The following CPNE8 variants were observed in gnomAD, a reference collection of about 807,000 sequenced individuals.
The protein encoded by CPNE8 is copine 8, also known as copine-8.
Under a neutral mutation model 81.5 loss-of-function variants are expected in CPNE8, and 45 were observed. That is an observed-to-expected ratio of 0.55 (90% CI 0.44 to 0.71). The LOEUF is 0.71. CPNE8 is among the 30% of genes least tolerant of loss of function. CPNE8 has a pLI of 0.00. For synonymous variants in CPNE8, 252 were observed against 226.3 expected, an observed-to-expected ratio of 1.11 and a Z score of -1.02; for missense variants, 594 against 672.1, an observed-to-expected ratio of 0.88 and a Z score of 1.28.
At chr12:38,763,040 G>C (rs1484760138) in intron 8 of CPNE8, among the ~76,000 whole-genome samples, 2 of 152,156 alleles carry the variant, frequency 1.3e-5, no homozygotes, top group African/African-American at 4.8e-5. Flanking sequence ...TGTATTTTTA[G>C]TAGAGACGAT....
intron 13 of CPNE8, among the ~76,000 whole-genome samples, chr12:38,722,843 A>C (rs1242337304): frequency 2.0e-5 from 3 of 151,968 alleles, no homozygotes; most frequent in Non-Finnish European, 4.4e-5. Flanking sequence ...GTGGGAGGTG[A>C]TTGGATCATG....
intron 6 of CPNE8, among the ~76,000 whole-genome samples, chr12:38,807,834 A>C (rs1364291197): frequency 6.6e-6 from 1 of 152,014 alleles, no homozygotes; most frequent in Non-Finnish European, 1.5e-5. Flanking sequence ...AATGGGAGAA[A>C]ATTTTCGCAA....
intron 6 of CPNE8, among the ~76,000 whole-genome samples, chr12:38,778,569 A>T (rs1311167908): frequency 6.6e-6 from 1 of 152,106 alleles, no homozygotes; most frequent in African/African-American, 2.4e-5. Flanking sequence ...ATATCCCCAA[A>T]TTGGATATGG....
At position 38,674,088 on chromosome 12, in the gene CPNE8, G is replaced by A. The variant is rs529772069; in HGVS notation, c.1432+1629C>T. Among the ~76,000 whole-genome samples, 15 of 152,008 alleles carry A rather than the reference G, an allele frequency of 9.9e-5. No homozygotes were observed. In the South Asian group the frequency reaches 3.1e-3, roughly 32 times the overall value. ...CAGGACCTCACAGAGAGAAAATGAT[G>A]AATTATCATACCTTAAAACCCTAAC... On this transcript the variant is annotated intron_variant, in intron 18 of 19. Transcript: ENST00000331366.
At chr12:38,749,203 C>G (rs1009503008) in intron 10 of CPNE8, among the ~76,000 whole-genome samples, 1 of 152,168 alleles carries the variant, frequency 6.6e-6, no homozygotes, top group African/African-American at 2.4e-5. Flanking sequence ...TACCTCTTTG[C>G]CTGCTGCCCT....
At chr12:38,829,864 G>A (rs563273834) in intron 5 of CPNE8, among the ~76,000 whole-genome samples, 4 of 152,286 alleles carry the variant, frequency 2.6e-5, no homozygotes, top group African/African-American at 9.6e-5. Context: ...CTTAGAGAAA[G>A]GTCATGTGAT....
At chr12:38,723,472 A>T (rs1026697217) in intron 13 of CPNE8, among the ~76,000 whole-genome samples, 2 of 152,216 alleles carry the variant, frequency 1.3e-5, no homozygotes, top group African/African-American at 4.8e-5. Context: ...AATAAATAGT[A>T]CATGTAAAAT....
chr12:38,885,763 G>A (rs925251639), intron 1 of CPNE8, among the ~76,000 whole-genome samples: 5 of 152,110 alleles, frequency 3.3e-5, no homozygotes, highest in African/African-American at 1.2e-4. Context: ...GTTGGAGGAG[G>A]GGCCGGGTGG....
chr12:38,826,954 G>C (rs1592123072), intron 6 of CPNE8, among the ~76,000 whole-genome samples: 1 of 150,624 alleles, frequency 6.6e-6, no homozygotes, highest in Non-Finnish European at 1.5e-5. Flanking sequence ...CAGATCACGA[G>C]GTCAGGAGTT....
At chr12:38,794,979 A>C (rs886907677) in intron 6 of CPNE8, among the ~76,000 whole-genome samples, 1 of 152,190 alleles carries the variant, frequency 6.6e-6, no homozygotes, top group Non-Finnish European at 1.5e-5. Flanking sequence ...TTACTTGCTG[A>C]ATCTTCTGAT....
At chr12:38,708,619 A>G (rs1475443490) in intron 13 of CPNE8, among the ~76,000 whole-genome samples, 1 of 152,188 alleles carries the variant, frequency 6.6e-6, no homozygotes, top group African/African-American at 2.4e-5. Flanking sequence ...ATCTCCCAAT[A>G]CATATGTCCT....
chr12:38,701,172 A>G (rs1235006080), intron 14 of CPNE8, among the ~76,000 whole-genome samples: 1 of 152,202 alleles, frequency 6.6e-6, no homozygotes, highest in African/African-American at 2.4e-5. Flanking sequence ...ACATTTCAGA[A>G]GAGTTTGTGG....
At chr12:38,805,818 T>A (rs1323019551) in intron 6 of CPNE8, among the ~76,000 whole-genome samples, 1 of 149,422 alleles carries the variant, frequency 6.7e-6, no homozygotes, top group African/African-American at 2.4e-5. Flanking sequence ...ATCCAGGAGC[T>A]GGTTTTTTGA....
chr12:38,676,023 G>C (rs1040631359), intron 17 of CPNE8: 1 of 159,866 alleles, frequency 6.3e-6, no homozygotes, highest in East Asian at 1.9e-4. Flanking sequence ...GTCTGAGGTG[G>C]AGGGATCACC....
chr12:38,801,516 A>G (rs1942670067), intron 6 of CPNE8, among the ~76,000 whole-genome samples: 2 of 26,288 alleles, frequency 7.6e-5, no homozygotes, highest in Non-Finnish European at 1.4e-4. Flanking sequence ...AGCGCTAAAC[A>G]TGGAAAGGAA....
At chr12:38,814,736 A>G (rs1029774730) in intron 6 of CPNE8, among the ~76,000 whole-genome samples, 1 of 152,054 alleles carries the variant, frequency 6.6e-6, no homozygotes, top group Non-Finnish European at 1.5e-5. Flanking sequence ...TATTCTCTAT[A>G]TAACTATTAA....
At chr12:38,730,133 C>A in intron 11 of CPNE8, 150 bp downstream of exon 11, 1 of 548,322 alleles carries the variant, frequency 1.8e-6, no homozygotes. Flanking sequence ...ATCATTGAAT[C>A]TAAAAATGTC....
At chr12:38,741,918 A>G (rs1175687481) in intron 10 of CPNE8, among the ~76,000 whole-genome samples, 1 of 152,238 alleles carries the variant, frequency 6.6e-6, no homozygotes, top group Admixed American at 6.5e-5. Flanking sequence ...CAGACACATG[A>G]AAAAATGCTC....
At chr12:38,886,761 G>A (rs1944243153) in intron 1 of CPNE8, among the ~76,000 whole-genome samples, 1 of 152,104 alleles carries the variant, frequency 6.6e-6, no homozygotes, top group South Asian at 2.1e-4. Flanking sequence ...AGTTTATACT[G>A]TCGGCCCAGC....
Sources: allele counts gnomAD v4.1 joint callset (sites outside exome capture counted in the v4.1 genomes callset), GRCh38; gene constraint gnomAD v4.1.1; transcripts MANE v1.5; gene names NCBI Gene and HGNC (gene_info 2026-07-23, HGNC 2026-07-21).